Variants in RUSF1 observed in about 807,000 individuals in gnomAD.
RUSF1 encodes RUS family member 1.
In RUSF1, 58 loss-of-function variants were observed where a neutral mutation model predicts 63.0. The ratio of observed to expected loss-of-function variants is 0.92; its 90% CI spans 0.75 to 1.15. RUSF1 has a LOEUF of 1.15. Among genes scored for constraint, RUSF1 ranks in the 50% most tolerant of loss-of-function variants. The pLI, the probability that RUSF1 is intolerant of heterozygous loss-of-function variation, is 0.00. For synonymous variants in RUSF1, 274 were observed against 255.8 expected (o/e 1.07, Z -0.68); for missense variants, 652 against 611.0 (o/e 1.07, Z -0.71).
At chr16:31,491,515 C>T (rs1483167830) in intron 12 of RUSF1, among the ~76,000 whole-genome samples, 1 of 151,984 alleles carries the variant, frequency 6.6e-6, no homozygotes, top group Non-Finnish European at 1.5e-5. Flanking sequence ...CAGGGTTTCA[C>T]CATGTTGCCC....
rs1219788171 is a variant in RUSF1, at chr16:31,490,037, A to G, written c.*798T>C. 1.1e-4 allele frequency: 170 copies of G among 1,607,062 alleles called. No individual in the cohort carries two copies. The highest frequency in any genetic ancestry group is 1.2e-4 in the Non-Finnish European group (141 of 1,177,602). Reference sequence around the variant, plus strand: ...GGCAGGCAGTGACGAGCTGGTGTGCAAGAGACTTTAGGGCCAGGCATGGGG... The same window carrying G: ...GGCAGGCAGTGACGAGCTGGTGTGCGAGAGACTTTAGGGCCAGGCATGGGG... On this transcript the variant is annotated 3_prime_UTR_variant, in exon 13 of 13. Coordinates refer to ENST00000327237, the MANE Select transcript of RUSF1 (RefSeq NM_022744.4).
At chr16:31,498,545 G>A (rs571746356) in intron 5 of RUSF1, among the ~76,000 whole-genome samples, 2 of 152,160 alleles carry the variant, frequency 1.3e-5, no homozygotes, top group Non-Finnish European at 2.9e-5. Context: ...TCTGGGCCAG[G>A]GACTTAACTC....
chr16:31,502,786 C>T (rs559905152), intron 2 of RUSF1, among the ~76,000 whole-genome samples: 7 of 152,400 alleles, frequency 4.6e-5, no homozygotes, highest in African/African-American at 1.4e-4. Context: ...CCAGCCACCA[C>T]ACCTGGCTAA....
At chr16:31,494,051 G>A in intron 6 of RUSF1, 115 bp from the exon 7 acceptor site, 3 of 1,139,578 alleles carry the variant, frequency 2.6e-6, no homozygotes, top group South Asian at 2.8e-5. Flanking sequence ...GCTCCTTACT[G>A]CAATGTGGGT....
intron 4 of RUSF1, 24 bp downstream of exon 4, chr16:31,499,469 T>TC: frequency 7.8e-7 from 1 of 1,289,022 alleles, no homozygotes; most frequent in Non-Finnish European, 1.1e-6. Context: ...AAGACTCCCC[T>TC]CCCCCGTCCC....
chr16:31,493,704 G>T lies in RUSF1; in HGVS notation c.857C>A (p.Thr286Asn). ...YRAVRALVMETLNEGRLRLVL... is the reference protein window; with the variant it reads ...YRAVRALVMENLNEGRLRLVL... The stretch of plus-strand genomic sequence containing the variant: ...CAGCCGGAGCCGGCCTTCGTTCAAG[G>T]TCTCCATGACCAGGGCTCGGACCGC... The change falls in exon 8 of 13, where the codon ACC becomes AAC. Residue 286 changes from threonine to asparagine, a missense_variant. Coordinates refer to ENST00000327237, the MANE Select transcript of RUSF1 (RefSeq NM_022744.4). 6.2e-7 allele frequency: 1 copy of T among 1,614,216 alleles called. No homozygotes were observed. Among genetic ancestry groups the T allele is most frequent in the Non-Finnish European group, 8.5e-7 (1 of 1,180,042 alleles).
At chr16:31,491,954 G>A (rs2082571688) in intron 12 of RUSF1, 55 bp downstream of exon 12, 2 of 1,592,486 alleles carry the variant, frequency 1.3e-6, no homozygotes, top group East Asian at 4.5e-5. Flanking sequence ...GGGAAGGCGG[G>A]GCCCCCAGGG....
intron 2 of RUSF1, among the ~76,000 whole-genome samples, chr16:31,501,048 T>G (rs1159013740): frequency 6.6e-6 from 1 of 152,204 alleles, no homozygotes; most frequent in African/African-American, 2.4e-5. Context: ...CCCAGAGGCA[T>G]TCATTCATAG....
intron 2 of RUSF1, among the ~76,000 whole-genome samples, chr16:31,502,215 C>T (rs2082636335): frequency 1.3e-5 from 2 of 152,098 alleles, no homozygotes; most frequent in Non-Finnish European, 2.9e-5. Context: ...GGAGAAAGGA[C>T]ACTACGTTAT....
At chr16:31,505,561 G>C (rs1370145138) in intron 2 of RUSF1, among the ~76,000 whole-genome samples, 1 of 152,062 alleles carries the variant, frequency 6.6e-6, no homozygotes, top group African/African-American at 2.4e-5. Flanking sequence ...AGGCAATCAT[G>C]GTAACAGTGA....
chr16:31,491,862 G>T, intron 12 of RUSF1, 147 bp downstream of exon 12: 1 of 805,370 alleles, frequency 1.2e-6, no homozygotes, highest in Non-Finnish European at 2.0e-6. Flanking sequence ...GCCTCCCAAG[G>T]CACTAGAATC....
chr16:31,507,857 C>G lies in RUSF1; in HGVS notation c.322G>C (p.Gly108Arg). The G allele has an allele frequency of 3.8e-6, 6 of 1,567,658 alleles. No individual in the cohort carries two copies. Among genetic ancestry groups the G allele is most frequent in the Non-Finnish European group, 5.2e-6 (6 of 1,155,612 alleles). ...SVQAFASSLS[G>R]SLATQAVLLG... ...AAGACTGCCTGGGTGGCTAGGGAGC[C>G]GGAGAGGCTGGAAGCAAACGCCTGG... Residue 108 changes from glycine to arginine, a missense_variant, in exon 2 of 13, where the codon GGC becomes CGC. Coordinates refer to ENST00000327237, the MANE Select transcript of RUSF1 (RefSeq NM_022744.4).
chr16:31,499,100 C>A, intron 5 of RUSF1: 1 of 609,216 alleles, frequency 1.6e-6, no homozygotes, highest in South Asian at 2.0e-5. Flanking sequence ...AGTCCTGTGG[C>A]TCTAGACATT....
intron 1 of RUSF1, 41 bp from the exon 2 acceptor site, chr16:31,507,919 G>C (rs1304698579): frequency 1.3e-6 from 2 of 1,545,776 alleles, no homozygotes; most frequent in African/African-American, 2.7e-5. Flanking sequence ...GGGCGTAGGA[G>C]CGTGGCGGTC....
Position 31,508,305 on chromosome 16 carries a change from G to A in RUSF1, c.69C>T (p.Gly23=), listed in dbSNP as rs1458978823. The A allele has an allele frequency of 1.3e-6, 2 of 1,577,248 alleles. No individual in the cohort carries two copies. Among genetic ancestry groups the A allele is most frequent in the Non-Finnish European group, 1.7e-6 (2 of 1,164,638 alleles). The change falls in exon 1 of 13, where the codon GGC becomes GGT. Residue 23 remains glycine (G), a synonymous_variant. Transcript: ENST00000327237. ...GGCTCCCGTCCGCGGCGGCGCGGCA[G>A]CCCCGTGCCTCCCCGGAGCCGAACT... ...SEQFGSGEAR[G]CRAAADGSLQ...
intron 5 of RUSF1, among the ~76,000 whole-genome samples, chr16:31,498,400 G>A (rs1404440229): frequency 6.6e-6 from 1 of 152,166 alleles, no homozygotes; most frequent in African/African-American, 2.4e-5. Flanking sequence ...TTGCAACCAA[G>A]GAAGCTAAAT....
intron 5 of RUSF1, among the ~76,000 whole-genome samples, chr16:31,497,637 G>C (rs748627788): frequency 1.3e-5 from 2 of 152,166 alleles, no homozygotes; most frequent in South Asian, 2.1e-4. Flanking sequence ...GCCCCTGGCT[G>C]AGGGCTCTTT....
At chr16:31,497,953 G>A (rs1287752718) in intron 5 of RUSF1, among the ~76,000 whole-genome samples, 4 of 152,220 alleles carry the variant, frequency 2.6e-5, no homozygotes, top group South Asian at 2.1e-4. Context: ...GGAGCGGCAC[G>A]GAGGCTACCT....
At chr16:31,491,509 G>T (rs980919689) in intron 12 of RUSF1, among the ~76,000 whole-genome samples, 9 of 151,622 alleles carry the variant, frequency 5.9e-5, no homozygotes, top group Admixed American at 1.3e-4. Flanking sequence ...TAGAGACAGG[G>T]TTTCACCATG....
Sources: gnomAD v4.1 joint callset for allele counts (sites outside exome capture counted in the v4.1 genomes callset) on GRCh38, gnomAD v4.1.1 for gene constraint, MANE v1.5 for transcripts, NCBI Gene and HGNC (gene_info 2026-07-23, HGNC 2026-07-21) for gene names.